PPM1F: variants seen among roughly 807,000 people sequenced by gnomAD.
The protein encoded by PPM1F is protein phosphatase, Mg2+/Mn2+ dependent 1F.
In PPM1F, 17 loss-of-function variants were observed where a neutral mutation model predicts 35.5. That is an observed-to-expected ratio of 0.48 (90% CI 0.33 to 0.72). The LOEUF is 0.72. Ranked by LOEUF, PPM1F falls within the 30% of genes least tolerant of loss-of-function variation. The pLI, the probability that PPM1F is intolerant of heterozygous loss-of-function variation, is 0.02. For missense variants in PPM1F, 521 were observed against 613.0 expected, an observed-to-expected ratio of 0.85 and a Z score of 1.59; for synonymous variants, 241 against 255.5, an observed-to-expected ratio of 0.94 and a Z score of 0.54.
chr22:21,938,740 A>C lies in PPM1F; in HGVS notation c.355+792T>G, dbSNP rs559478773. On this transcript the variant is annotated intron_variant, in intron 3 of 7. Transcript: ENST00000263212. ...TACCCCCTTGTGGCACCCCTGCTGCAGCCTGCGATTCTTACGCCCTGTATT... is the reference window on the plus strand; with the variant it reads ...TACCCCCTTGTGGCACCCCTGCTGCCGCCTGCGATTCTTACGCCCTGTATT... 12 of 285,284 alleles carry C rather than the reference A, an allele frequency of 4.2e-5. No homozygotes were observed. In the East Asian group the frequency reaches 1.7e-3, roughly 41 times the overall value. 17.7% of individuals were successfully genotyped at this position (285,284 alleles called of 1,614,324 possible).
Position 21,939,584 on chromosome 22 carries a change from C to T in PPM1F, c.303G>A (p.Glu101=). The change falls in exon 3 of 8, where the codon GAG becomes GAA. Residue 101 remains glutamate, a synonymous_variant. Coordinates refer to ENST00000263212, the MANE Select transcript of PPM1F (RefSeq NM_014634.4). The surrounding 1 kb of genome is among the most constrained non-coding windows in gnomAD (Gnocchi z 5.1). ...DLSEFRKLPR[E]EEEEEEDDDE... is the part of the protein sequence containing the mutation. ...CATCGTCCTCCTCCTCTTCTTCTTCCTCCCTGGGCAACTTCCTGAATTCGG... is the reference window on the plus strand; with the variant it reads ...CATCGTCCTCCTCCTCTTCTTCTTCTTCCCTGGGCAACTTCCTGAATTCGG... 1 of 1,572,102 alleles carries T rather than the reference C, an allele frequency of 6.4e-7. No homozygotes were observed. The highest frequency in any genetic ancestry group is 8.6e-7 in the Non-Finnish European group (1 of 1,157,234).
chr22:21,938,321 G>A, intron 3 of PPM1F: 2 of 1,214,620 alleles, frequency 1.6e-6, no homozygotes. Flanking sequence ...AGCTGCCACC[G>A]GCCGGAAGCC....
chr22:21,946,143 G>A (rs1298620837), intron 1 of PPM1F, 35 bp from the exon 2 acceptor site: 1 of 1,093,422 alleles, frequency 9.1e-7, no homozygotes, highest in Non-Finnish European at 1.3e-6. Context: ...AGAATCAGGG[G>A]GCCATGGCAC....
intron 7 of PPM1F, among the ~76,000 whole-genome samples, chr22:21,924,485 G>A (rs920119463): frequency 6.6e-6 from 1 of 152,038 alleles, no homozygotes; most frequent in Non-Finnish European, 1.5e-5. Context: ...TGGTCAGGCT[G>A]GTCTCGAACT....
rs1200553660 is a variant in PPM1F, at chr22:21,933,452, C to A, written c.686G>T (p.Gly229Val). 1.2e-6 allele frequency: 2 copies of A among 1,613,394 alleles called. No individual in the cohort carries two copies. The highest frequency in any genetic ancestry group is 1.3e-5 in the African/African-American group (1 of 75,062). Reference protein sequence around the residue: ...RQPELPTDPEGALREAFRRTD... With the variant: ...RQPELPTDPEVALREAFRRTD... ...GCGCCGGAAGGCTTCTCTGAGGGCTCCCTCAGGGTCTGTGGGCAGCTCTGG... is the reference window on the plus strand; with the variant it reads ...GCGCCGGAAGGCTTCTCTGAGGGCTACCTCAGGGTCTGTGGGCAGCTCTGG... Residue 229 changes from glycine to valine, a missense_variant, in exon 5 of 8, where the codon GGA becomes GTA. Transcript: ENST00000263212.
chr22:21,931,506 A>G (rs879549146), intron 5 of PPM1F, among the ~76,000 whole-genome samples: 2 of 147,884 alleles, frequency 1.4e-5, no homozygotes, highest in South Asian at 2.1e-4. Context: ...AAAGATGTTT[A>G]TTTATTTATT....
Position 21,946,059 on chromosome 22 carries a change from TC to T in PPM1F, c.-12del, listed in dbSNP as rs1286636785. Reference sequence around the variant, plus strand: ...GGCTCCAGAGGACATGCCCAAAGCATCCCGGGGGCCTGCAGCTAGGCCAGGG... The same window carrying T: ...GGCTCCAGAGGACATGCCCAAAGCATCCGGGGGCCTGCAGCTAGGCCAGGG... On this transcript the variant is annotated 5_prime_UTR_variant, in exon 2 of 8. Coordinates refer to ENST00000263212, the MANE Select transcript of PPM1F (RefSeq NM_014634.4). 4.0e-6 allele frequency: 6 copies of T among 1,500,266 alleles called. No individual in the cohort carries two copies. Among genetic ancestry groups the T allele is most frequent in the Non-Finnish European group, 5.3e-6 (6 of 1,122,270 alleles). 92.9% of individuals were successfully genotyped at this position (1,500,266 alleles called of 1,614,324 possible).
Position 21,922,551 on chromosome 22 carries a change from T to G in PPM1F, c.*541A>C, listed in dbSNP as rs1181606631. 1 of 152,954 alleles carries G rather than the reference T, an allele frequency of 6.5e-6. No individual in the cohort carries two copies. Among genetic ancestry groups the G allele is most frequent in the East Asian group, 1.9e-4 (1 of 5,192 alleles). 9.5% of individuals were successfully genotyped at this position (152,954 alleles called of 1,614,324 possible). On this transcript the variant is annotated 3_prime_UTR_variant, in exon 8 of 8. Transcript: ENST00000263212. ...CTGCTACAGAACAGACCCCTGGCTC[T>G]GCTGCGCTCTCCTCTTTGGGACACT...
chr22:21,932,367 T>A (rs1306443902), intron 5 of PPM1F, among the ~76,000 whole-genome samples: 1 of 152,214 alleles, frequency 6.6e-6, no homozygotes, highest in East Asian at 1.9e-4. Context: ...GAGTGGAGGC[T>A]TGCCTGCTTT....
chr22:21,945,108 G>A (rs552983083), intron 2 of PPM1F: 7 of 152,396 alleles, frequency 4.6e-5, no homozygotes, highest in African/African-American at 1.4e-4. Context: ...GCAATAAATT[G>A]TGTTCCCTAA....
intron 1 of PPM1F, chr22:21,949,456 C>T (rs1384461760): frequency 6.6e-6 from 1 of 152,352 alleles, no homozygotes; most frequent in Non-Finnish European, 1.5e-5. Context: ...AATTCCTCAC[C>T]AAGGGAAACC....
intron 2 of PPM1F, chr22:21,943,793 C>T (rs922518338): frequency 6.6e-6 from 1 of 152,302 alleles, no homozygotes; most frequent in African/African-American, 2.4e-5. Context: ...TGTCCGTCTT[C>T]AGCACCTGTG....
At chr22:21,927,819 A>G (rs945906123) in intron 6 of PPM1F, among the ~76,000 whole-genome samples, 1 of 149,908 alleles carries the variant, frequency 6.7e-6, no homozygotes, top group Non-Finnish European at 1.5e-5. Context: ...AGTGGCTCCC[A>G]CCTCCGTCAC....
chr22:21,937,746 A>G (rs1289169537), intron 3 of PPM1F: 1 of 173,106 alleles, frequency 5.8e-6, no homozygotes, highest in Non-Finnish European at 1.3e-5. Context: ...TGCTACTGCT[A>G]TTTCCAACAG....
rs2070453811 is a variant in PPM1F at position 21,922,086 on chromosome 22, T to TA, written c.*1005dup. ...CCTAACAAAACAAATCCTGCTTTTC[T>TA]AAAAACCTCAATGGGCCTATCCGAG... is the stretch of plus-strand genomic sequence containing the variant. On this transcript the variant is annotated 3_prime_UTR_variant, in exon 8 of 8. Coordinates refer to ENST00000263212, the MANE Select transcript of PPM1F (RefSeq NM_014634.4). 1 of 152,624 alleles carries TA rather than the reference T, an allele frequency of 6.6e-6. No homozygotes were observed. The highest frequency in any genetic ancestry group is 2.4e-5 in the African/African-American group (1 of 41,470). The allele number at this position is 152,624 out of a possible 1,614,324, so 9.5% of individuals were successfully genotyped here.
chr22:21,925,910 T>C, intron 6 of PPM1F: 6 of 425,356 alleles, frequency 1.4e-5, no homozygotes, highest in Non-Finnish European at 2.5e-5. Context: ...TGAGGCCGCC[T>C]AGCGGTGCCT....
chr22:21,936,858 A>G (rs2070665660), intron 3 of PPM1F: 1 of 152,272 alleles, frequency 6.6e-6, no homozygotes, highest in African/African-American at 2.4e-5. Context: ...AGAAACTGGG[A>G]GAATAAATGT....
chr22:21,934,948 G>T (rs553588208), intron 3 of PPM1F: 2 of 144,392 alleles, frequency 1.4e-5, no homozygotes, highest in South Asian at 4.7e-4. Flanking sequence ...TATTAAATAT[G>T]ATTTTCATAA....
chr22:21,929,352 T>C (rs1220360615), intron 6 of PPM1F, among the ~76,000 whole-genome samples: 1 of 152,202 alleles, frequency 6.6e-6, no homozygotes, highest in Non-Finnish European at 1.5e-5. Flanking sequence ...GTGCAAGCTC[T>C]GATCTCTGTG....
Sources: gnomAD v4.1 joint callset for allele counts (sites outside exome capture counted in the v4.1 genomes callset) on GRCh38, gnomAD v4.1.1 for gene constraint, Gnocchi (gnomAD v3.1) non-coding constraint, MANE v1.5 for transcripts, NCBI Gene and HGNC (gene_info 2026-07-23, HGNC 2026-07-21) for gene names.